LVRN: variants seen among roughly 807,000 people sequenced by gnomAD.
The protein encoded by LVRN is laeverin, also known as aminopeptidase Q.
A neutral mutation model predicts 111.4 loss-of-function variants in LVRN; 99 were observed. That is an observed-to-expected ratio of 0.89 (90% CI 0.76 to 1.05). The LOEUF is 1.05. LVRN is among the 50% of genes least tolerant of loss of function. LVRN has a pLI of 0.00. For synonymous variants in LVRN, 488 were observed against 449.5 expected (o/e 1.09, Z -1.08); for missense variants, 1,414 against 1,206.8 (o/e 1.17, Z -2.54).
At chr5:116,008,544 T>A (rs1189550924) in intron 13 of LVRN, among the ~76,000 whole-genome samples, 2 of 151,398 alleles carry the variant, frequency 1.3e-5, no homozygotes, top group East Asian at 3.9e-4. Context: ...AAATTGTAGA[T>A]GCAAAGGATA....
Position 116,026,260 on chromosome 5 carries a change from C to T in LVRN, c.*142C>T, listed in dbSNP as rs145319119. On this transcript the variant is annotated 3_prime_UTR_variant, in exon 20 of 20. Coordinates refer to ENST00000357872, the MANE Select transcript of LVRN (RefSeq NM_173800.5). ...ATTTATTACTCAGAGTGCCATTCTTCTCATATTGTCATGTTTGGCCCTGAG... is the reference window on the plus strand; with the variant it reads ...ATTTATTACTCAGAGTGCCATTCTTTTCATATTGTCATGTTTGGCCCTGAG... 7.9e-4 allele frequency: 1,001 copies of T among 1,272,822 alleles called. 2 individuals carry two copies. In the African/African-American group the frequency reaches 0.013, roughly 17 times the overall value. 78.8% of individuals were successfully genotyped at this position (1,272,822 alleles called of 1,614,324 possible). A position where few individuals can be genotyped will look rare whatever the true frequency, so the allele number is the denominator to read the frequency against.
rs1234746682 is a variant in LVRN at position 115,987,889 on chromosome 5, T to G, written c.1055T>G (p.Phe352Cys). ...GCTTTGAACATCACAGGTCCCATCT[T>G]CTCTTTTCTGGAGGATTTGTTTAAT... ...DFALNITGPI[F>C]SFLEDLFNIS... Residue 352 changes from phenylalanine to cysteine, a missense_variant, in exon 4 of 20, where the codon TTC (phenylalanine) becomes TGC (cysteine). Physicochemically the swap from Phe to Cys is radical, Grantham distance 205 (BLOSUM62 -2). Coordinates refer to ENST00000357872, the MANE Select transcript of LVRN (RefSeq NM_173800.5). 25 of 1,613,452 alleles carry G rather than the reference T, an allele frequency of 1.5e-5. No homozygotes were observed. Among genetic ancestry groups the G allele is most frequent in the Non-Finnish European group, 2.1e-5 (25 of 1,179,660 alleles).
chr5:116,003,567 GGT>G (rs1561564852), intron 12 of LVRN, among the ~76,000 whole-genome samples, 187 bp downstream of exon 12: 3 of 123,568 alleles, frequency 2.4e-5, no homozygotes, highest in African/African-American at 9.2e-5. Context: ...TTGTCTGTGT[GGT>G]TTTTTTTTGT....
chr5:115,973,992 C>G (rs189389000), intron 1 of LVRN, among the ~76,000 whole-genome samples: 2 of 151,950 alleles, frequency 1.3e-5, no homozygotes, highest in Admixed American at 1.3e-4. Context: ...TATAATAAGC[C>G]CCCATTCATA....
Position 116,018,630 on chromosome 5 carries a change from C to T in LVRN, c.2756+2865C>T, listed in dbSNP as rs1036497475. Among the ~76,000 whole-genome samples, 7 of 152,170 alleles carry T rather than the reference C, an allele frequency of 4.6e-5. No homozygotes were observed. The South Asian group carries it at 8.3e-4, about 18-fold the overall frequency. On this transcript the variant is annotated intron_variant, in intron 18 of 19. Coordinates refer to ENST00000357872, the MANE Select transcript of LVRN (RefSeq NM_173800.5). ...CAGGTTGCAGTGAGCCGAGATCACA[C>T]CATTGCCCTCCAGCCTGGGTAGGCA...
At chr5:116,016,017 A>T (rs1748596558) in intron 18 of LVRN, among the ~76,000 whole-genome samples, 1 of 152,242 alleles carries the variant, frequency 6.6e-6, no homozygotes, top group African/African-American at 2.4e-5. Context: ...TGCCATACTC[A>T]TAAAACAGTT....
chr5:115,987,503 A>G (rs1364148213), intron 3 of LVRN, among the ~76,000 whole-genome samples: 1 of 151,932 alleles, frequency 6.6e-6, no homozygotes, highest in Admixed American at 6.6e-5. Context: ...CAAAATGCCT[A>G]TAGAATCTAC....
At chr5:116,011,214 A>G (rs1748483423) in intron 14 of LVRN, among the ~76,000 whole-genome samples, 2 of 150,314 alleles carry the variant, frequency 1.3e-5, no homozygotes, top group Admixed American at 1.3e-4. Flanking sequence ...AGGGAAAAGG[A>G]TAGTATTTAT....
chr5:115,972,404 C>G (rs777760960), intron 1 of LVRN, among the ~76,000 whole-genome samples: 1 of 150,412 alleles, frequency 6.6e-6, no homozygotes, highest in South Asian at 2.1e-4. Flanking sequence ...CTAATTGTTG[C>G]TAATTAATTT....
intron 10 of LVRN, among the ~76,000 whole-genome samples, chr5:116,001,988 A>C (rs1196332403): frequency 6.6e-6 from 1 of 152,192 alleles, no homozygotes; most frequent in African/African-American, 2.4e-5. Flanking sequence ...TGATAGTTTT[A>C]ATCTTCACAT....
intron 18 of LVRN, among the ~76,000 whole-genome samples, chr5:116,016,484 CT>C (rs1400078234): frequency 6.6e-6 from 1 of 152,144 alleles, no homozygotes; most frequent in Non-Finnish European, 1.5e-5. Flanking sequence ...TAAAATGTGA[CT>C]GATCACTAAC....
chr5:115,963,990 G>A (rs891898155), intron 1 of LVRN, among the ~76,000 whole-genome samples: 10 of 152,314 alleles, frequency 6.6e-5, no homozygotes, highest in Non-Finnish European at 8.8e-5. Context: ...AGCAGCAGCT[G>A]TAACCTGGGC....
At chr5:115,974,656 C>A (rs1401786185) in intron 1 of LVRN, 3 of 157,176 alleles carry the variant, frequency 1.9e-5, no homozygotes, top group Non-Finnish European at 4.2e-5. Flanking sequence ...TTGGTGGCAA[C>A]CCTCAAATCA....
chr5:116,022,966 A>G (rs2662482), intron 19 of LVRN, among the ~76,000 whole-genome samples: 35,026 of 152,188 alleles, frequency 0.23, 4,258 homozygotes, highest in Non-Finnish European at 0.27. Flanking sequence ...ATACTGTACC[A>G]CTTACAAATT....
At chr5:115,983,266 T>C in intron 1 of LVRN, 21 bp from the exon 2 acceptor site, 1 of 1,524,486 alleles carries the variant, frequency 6.6e-7, no homozygotes, top group South Asian at 1.3e-5. Context: ...TAAATAAAAA[T>C]TTCCCCAAAA....
At chr5:115,974,164 G>C (rs928443713) in intron 1 of LVRN, among the ~76,000 whole-genome samples, 59 of 152,080 alleles carry the variant, frequency 3.9e-4, no homozygotes, top group African/African-American at 1.4e-3. Context: ...ATTTCAGTTA[G>C]TCTTTTGATA....
chr5:116,020,494 C>G (rs1233732878), intron 18 of LVRN, among the ~76,000 whole-genome samples: 2 of 152,148 alleles, frequency 1.3e-5, no homozygotes, highest in African/African-American at 4.8e-5. Flanking sequence ...TGAATCTTAC[C>G]CTCTTCACTA....
intron 13 of LVRN, among the ~76,000 whole-genome samples, chr5:116,009,994 A>T (rs879157977): frequency 6.6e-6 from 1 of 152,208 alleles, no homozygotes; most frequent in Non-Finnish European, 1.5e-5. Flanking sequence ...CTACAGAAAA[A>T]TCTTTTGTGA....
chr5:115,986,007 AATTACTC>A (rs1361528809), intron 3 of LVRN, among the ~76,000 whole-genome samples: 1 of 152,192 alleles, frequency 6.6e-6, no homozygotes, highest in African/African-American at 2.4e-5. Flanking sequence ...ATCAGGGGAG[AATTACTC>A]AAAGCTACTC....
Sources: allele counts gnomAD v4.1 joint callset (sites outside exome capture counted in the v4.1 genomes callset), GRCh38; gene constraint gnomAD v4.1.1; transcripts MANE v1.5; gene names NCBI Gene and HGNC (gene_info 2026-07-23, HGNC 2026-07-21).